Variants in RBFOX1 observed in about 807,000 individuals in gnomAD.
The protein encoded by RBFOX1 is RNA binding fox-1 homolog 1.
Under a neutral mutation model 57.7 loss-of-function variants are expected in RBFOX1, and 8 were observed. The ratio of observed to expected loss-of-function variants is 0.14; its 90% confidence interval spans 0.08 to 0.25. The LOEUF is 0.25. Ranked by LOEUF, RBFOX1 falls within the 10% of genes least tolerant of loss-of-function variation. RBFOX1 has a pLI of 1.00. For synonymous variants in RBFOX1, 326 were observed against 222.4 expected, an observed-to-expected ratio of 1.47 and a Z score of -4.15; for missense variants, 611 against 548.5, an observed-to-expected ratio of 1.11 and a Z score of -1.14.
chr16:6,094,937 G>A (rs904807135), intron 1 of RBFOX1, among the ~76,000 whole-genome samples: 5 of 152,180 alleles, frequency 3.3e-5, no homozygotes, highest in Non-Finnish European at 7.3e-5. Context: ...GTGCATGCCT[G>A]TAGTCCCAGC....
chr16:6,723,610 G>T (rs1363790722), intron 3 of RBFOX1: 1 of 152,142 alleles, frequency 6.6e-6, no homozygotes, highest in Non-Finnish European at 1.5e-5. Context: ...AGTGAGCCCT[G>T]TTGTATATTG....
chr16:5,959,046 G>C (rs1197844285), intron 4 of RBFOX1, among the ~76,000 whole-genome samples: 2 of 152,218 alleles, frequency 1.3e-5, no homozygotes, highest in African/African-American at 4.8e-5. Flanking sequence ...TTATTCTGCT[G>C]ACCACACCAG....
intron 1 of RBFOX1, among the ~76,000 whole-genome samples, chr16:6,310,874 A>G (rs546778683): frequency 6.6e-6 from 1 of 150,478 alleles, no homozygotes; most frequent in Non-Finnish European, 1.5e-5. Context: ...GAAGCTATGA[A>G]GAACAGGTGC....
chr16:7,170,973 C>T (rs1208448284), intron 4 of RBFOX1, among the ~76,000 whole-genome samples: 1 of 152,096 alleles, frequency 6.6e-6, no homozygotes. Flanking sequence ...GCAGGTGATC[C>T]TAAAACACAC....
At chr16:6,381,449 G>T (rs1213822043) in intron 2 of RBFOX1, among the ~76,000 whole-genome samples, 1 of 152,180 alleles carries the variant, frequency 6.6e-6, no homozygotes, top group African/African-American at 2.4e-5. Flanking sequence ...CAACGGGCTT[G>T]ATGACCTTGC....
intron 5 of RBFOX1, among the ~76,000 whole-genome samples, chr16:7,555,871 C>T (rs1208023510): frequency 1.3e-5 from 2 of 152,168 alleles, no homozygotes; most frequent in African/African-American, 4.8e-5. Context: ...GCCTATGCTT[C>T]CAACATGCTC....
chr16:7,543,411 C>A (rs1161046570), intron 5 of RBFOX1, among the ~76,000 whole-genome samples: 1 of 152,150 alleles, frequency 6.6e-6, no homozygotes, highest in Non-Finnish European at 1.5e-5. Flanking sequence ...ATGCCAGCAG[C>A]TATCACTGCC....
At chr16:7,123,660 T>G (rs2067725607) in intron 4 of RBFOX1, among the ~76,000 whole-genome samples, 1 of 152,166 alleles carries the variant, frequency 6.6e-6, no homozygotes, top group Non-Finnish European at 1.5e-5. Flanking sequence ...CCACCCCACC[T>G]GGCAAAAATT....
In RBFOX1 at chr16:6,781,411, G is replaced by C. The variant is rs2080999686; in HGVS notation, c.-16+126761G>C. The stretch of plus-strand genomic sequence containing the variant: ...TCTTTTTTCGTTGTGTATTTGTCTA[G>C]TTTTGGCATTAGGATAATCCTGATC... On this transcript the variant is annotated intron_variant, in intron 3 of 15. Transcript: ENST00000550418. Among the ~76,000 whole-genome samples, 11 of 152,194 alleles carry C rather than the reference G, an allele frequency of 7.2e-5. 1 individual carries two copies. The South Asian group carries it at 2.3e-3, about 32-fold the overall frequency.
intron 3 of RBFOX1, among the ~76,000 whole-genome samples, chr16:6,817,928 C>G (rs2090465191): frequency 6.6e-6 from 1 of 152,160 alleles, no homozygotes; most frequent in African/African-American, 2.4e-5. Flanking sequence ...CAAAAATCTA[C>G]TGTGTCTCTC....
At chr16:7,626,801 G>T (rs1377954292) in intron 10 of RBFOX1, among the ~76,000 whole-genome samples, 1 of 152,204 alleles carries the variant, frequency 6.6e-6, no homozygotes, top group Non-Finnish European at 1.5e-5. Flanking sequence ...AGCAAAGAGG[G>T]TAGAAGTGGA....
chr16:7,371,742 C>T (rs1412129193), intron 4 of RBFOX1, among the ~76,000 whole-genome samples: 4 of 152,218 alleles, frequency 2.6e-5, no homozygotes, highest in Non-Finnish European at 1.5e-5. Flanking sequence ...AAGAGCAAAA[C>T]TCTATCTGCA....
At chr16:6,757,868 C>T (rs1026896310) in intron 3 of RBFOX1, among the ~76,000 whole-genome samples, 37 of 152,144 alleles carry the variant, frequency 2.4e-4, no homozygotes, top group African/African-American at 7.0e-4. Flanking sequence ...GATCATAACA[C>T]ATTGTGTGCA....
chr16:5,956,032 C>T (rs1468019010), intron 4 of RBFOX1, among the ~76,000 whole-genome samples: 1 of 152,112 alleles, frequency 6.6e-6, no homozygotes, highest in Non-Finnish European at 1.5e-5. Flanking sequence ...GAGCCTGAGG[C>T]AGGAGGATCA....
chr16:5,685,710 G>A (rs1345081834), intron 3 of RBFOX1, among the ~76,000 whole-genome samples: 2 of 152,210 alleles, frequency 1.3e-5, no homozygotes, highest in African/African-American at 4.8e-5. Context: ...TATCTCAGGA[G>A]GTGAGGAGAG....
At chr16:5,620,822 G>A (rs58717603) in intron 3 of RBFOX1, among the ~76,000 whole-genome samples, 2,834 of 152,110 alleles carry the variant, frequency 0.019, 57 homozygotes, top group East Asian at 0.088. Flanking sequence ...GGGACCACAG[G>A]CATGTGCCAC....
intron 1 of RBFOX1, among the ~76,000 whole-genome samples, chr16:6,127,850 T>A: frequency 6.6e-6 from 1 of 152,222 alleles, no homozygotes; most frequent in East Asian, 1.9e-4. Flanking sequence ...ATTTTTTTCT[T>A]TACTTTTGTT....
intron 3 of RBFOX1, among the ~76,000 whole-genome samples, chr16:6,923,114 G>C (rs937397179): frequency 4.6e-5 from 7 of 152,200 alleles, no homozygotes; most frequent in Non-Finnish European, 8.8e-5. Context: ...GTGATTTGTA[G>C]AATTCCAAAG....
chr16:7,397,797 G>C (rs1242159570), intron 4 of RBFOX1, among the ~76,000 whole-genome samples: 1 of 152,140 alleles, frequency 6.6e-6, no homozygotes, highest in East Asian at 1.9e-4. Context: ...AGGTGTTAAA[G>C]AGTTCTGGGT....
Sources: gnomAD v4.1 joint callset for allele counts (sites outside exome capture counted in the v4.1 genomes callset) on GRCh38, gnomAD v4.1.1 for gene constraint, MANE v1.5 for transcripts, NCBI Gene and HGNC (gene_info 2026-07-23, HGNC 2026-07-21) for gene names.